Variants in TNNI3K observed in about 807,000 individuals in gnomAD.
TNNI3K encodes TNNI3 interacting kinase, also known as serine/threonine-protein kinase TNNI3K.
A neutral mutation model predicts 114.5 loss-of-function variants in TNNI3K; 140 were observed. The ratio of observed to expected loss-of-function variants is 1.22; its 90% CI spans 1.07 to 1.41. The LOEUF (loss-of-function observed/expected upper bound fraction) is 1.41, where lower values mean the gene tolerates loss of function less well. TNNI3K is among the 40% of genes most tolerant of loss of function. TNNI3K has a pLI of 0.00. For missense variants in TNNI3K, 1,125 were observed against 1,007.6 expected, an observed-to-expected ratio of 1.12 and a Z score of -1.58; for synonymous variants, 347 against 347.5, an observed-to-expected ratio of 1.00 and a Z score of 0.02.
chr1:74,439,926 G>A (rs1166823794), intron 20 of TNNI3K, among the ~76,000 whole-genome samples: 4 of 151,954 alleles, frequency 2.6e-5, no homozygotes, highest in African/African-American at 9.7e-5. Context: ...GAGCAAATAA[G>A]GTGGACAATG....
At chr1:74,389,802 A>G (rs1424669609) in intron 17 of TNNI3K, among the ~76,000 whole-genome samples, 1 of 152,208 alleles carries the variant, frequency 6.6e-6, no homozygotes, top group Non-Finnish European at 1.5e-5. Flanking sequence ...GGAAAACAAA[A>G]GGTTATAGCT....
chr1:74,533,186 C>A (rs1230168155), intron 23 of TNNI3K, among the ~76,000 whole-genome samples: 2 of 152,114 alleles, frequency 1.3e-5, no homozygotes, highest in Admixed American at 1.3e-4. Context: ...GGCTAATATC[C>A]AGAATCTACA....
At chr1:74,341,543 T>A (rs1660744851) in intron 7 of TNNI3K, 1 of 151,782 alleles carries the variant, frequency 6.6e-6, no homozygotes. Flanking sequence ...ATCTGTCAAG[T>A]TTTTTTGTTT....
intron 21 of TNNI3K, chr1:74,471,810 G>C (rs1476392372): frequency 1.6e-5 from 7 of 430,962 alleles, no homozygotes; most frequent in Admixed American, 8.3e-5. Context: ...TGTTAATTTG[G>C]ATTTGCTCTT....
chr1:74,261,496 A>G (rs777337710), intron 4 of TNNI3K, among the ~76,000 whole-genome samples: 3 of 152,118 alleles, frequency 2.0e-5, no homozygotes, highest in Non-Finnish European at 4.4e-5. Context: ...AATGAATTTT[A>G]TTACAAGATT....
At position 74,352,936 on chromosome 1, in the gene TNNI3K, C is replaced by T. The variant is rs551221795; in HGVS notation, c.933-330C>T. Among the ~76,000 whole-genome samples, 7 of 152,270 alleles carry T rather than the reference C, an allele frequency of 4.6e-5. No homozygotes were observed. The South Asian group carries it at 6.2e-4, about 14-fold the overall frequency. ...CTTCCCAGGTGAGGCAATGCCTCGCCCTACTTCGGCTCAGGCATGGTGCGC... is the reference window on the plus strand; with the variant it reads ...CTTCCCAGGTGAGGCAATGCCTCGCTCTACTTCGGCTCAGGCATGGTGCGC... On this transcript the variant is annotated intron_variant, in intron 9 of 24. Coordinates refer to ENST00000326637, the MANE Select transcript of TNNI3K (RefSeq NM_015978.3).
rs142748157 is a variant in TNNI3K at position 74,268,801 on chromosome 1, A to T, written c.334-2797A>T. On this transcript the variant is annotated intron_variant, in intron 4 of 24. Coordinates refer to ENST00000326637, the MANE Select transcript of TNNI3K (RefSeq NM_015978.3). ...ATATGCAGCTCAAATTTAACATGTG[A>T]AAACGAAACATTTTACTTCTGCCTC... is the stretch of plus-strand genomic sequence containing the variant. Among the ~76,000 whole-genome samples the T allele has an allele frequency of 1.4e-4, 22 of 151,880 alleles. No homozygotes were observed. In the East Asian group the frequency reaches 4.1e-3, roughly 28 times the overall value.
chr1:74,490,321 A>T (rs1232722181), intron 22 of TNNI3K, among the ~76,000 whole-genome samples: 1 of 152,238 alleles, frequency 6.6e-6, no homozygotes, highest in African/African-American at 2.4e-5. Flanking sequence ...GGACAAAAGC[A>T]TCTGCCAGAA....
In TNNI3K at chr1:74,344,010, G is replaced by C. The variant is rs571417210; in HGVS notation, c.932+831G>C. 3.9e-5 allele frequency among the ~76,000 whole-genome samples: 6 copies of C among 152,246 alleles called. No individual in the cohort carries two copies. In the South Asian group the frequency reaches 1.0e-3, roughly 26 times the overall value. On this transcript the variant is annotated intron_variant, in intron 9 of 24. Coordinates refer to ENST00000326637, the MANE Select transcript of TNNI3K (RefSeq NM_015978.3). ...CTACACATTACATATGTTTCCATTAGTTTGTAACCTCTAAAATTGTATTTG... is the reference window on the plus strand; with the variant it reads ...CTACACATTACATATGTTTCCATTACTTTGTAACCTCTAAAATTGTATTTG...
chr1:74,240,673 T>A (rs1030800992), intron 2 of TNNI3K: 3 of 152,222 alleles, frequency 2.0e-5, no homozygotes, highest in Admixed American at 6.5e-5. Context: ...TTTAAGACTA[T>A]GTTTTGCTAA....
chr1:74,446,333 G>T (rs1283090643), intron 20 of TNNI3K, among the ~76,000 whole-genome samples: 1 of 148,438 alleles, frequency 6.7e-6, no homozygotes, highest in Non-Finnish European at 1.5e-5. Context: ...CTGCATAAAT[G>T]TCTTCTTTTG....
At chr1:74,239,419 A>C (rs1407399126) in intron 2 of TNNI3K, among the ~76,000 whole-genome samples, 1 of 152,128 alleles carries the variant, frequency 6.6e-6, no homozygotes, top group Non-Finnish European at 1.5e-5. Context: ...GAGTATCTAG[A>C]GCATTATAGG....
At chr1:74,526,852 A>G (rs1348358677) in intron 23 of TNNI3K, among the ~76,000 whole-genome samples, 1 of 152,206 alleles carries the variant, frequency 6.6e-6, no homozygotes, top group African/African-American at 2.4e-5. Flanking sequence ...GCTCATGGGT[A>G]AATCCAACTG....
intron 3 of TNNI3K, 67 bp downstream of exon 3, chr1:74,249,611 C>G (rs1570368822): frequency 6.9e-7 from 1 of 1,458,868 alleles, no homozygotes; most frequent in East Asian, 2.4e-5. Context: ...ACTTGAGCTG[C>G]TTAATAGTCT....
At chr1:74,246,712 G>A (rs1003753342) in intron 2 of TNNI3K, among the ~76,000 whole-genome samples, 1 of 152,136 alleles carries the variant, frequency 6.6e-6, no homozygotes, top group African/African-American at 2.4e-5. Context: ...TGAACTTAAT[G>A]GCAAATACTG....
intron 4 of TNNI3K, among the ~76,000 whole-genome samples, chr1:74,269,594 T>C (rs972909988): frequency 1.3e-5 from 2 of 151,746 alleles, no homozygotes; most frequent in African/African-American, 2.4e-5. Flanking sequence ...TTAAAACCAG[T>C]AGAATTCTGA....
intron 11 of TNNI3K, among the ~76,000 whole-genome samples, chr1:74,354,518 T>C (rs1661558076): frequency 6.6e-6 from 1 of 152,062 alleles, no homozygotes; most frequent in African/African-American, 2.4e-5. Context: ...GAAAGAAATA[T>C]TTGTCAGATC....
rs1220542621 is a variant in TNNI3K at position 74,436,059 on chromosome 1, T to TTC, written c.1773-20_1773-19insCT. 33 of 1,012,294 alleles carry TTC rather than the reference T, an allele frequency of 3.3e-5. No individual in the cohort carries two copies. In the African/African-American group the frequency reaches 3.4e-4, roughly 10 times the overall value. The allele number at this position is 1,012,294 out of a possible 1,614,324, so 62.7% of individuals were successfully genotyped here. Reference sequence around the variant, plus strand: ...GCAAAGCTTACTCAATGTCTACTTTTTTTTTTTTTTTTTTTTACAGTCACA... The same window carrying TTC: ...GCAAAGCTTACTCAATGTCTACTTTTTCTTTTTTTTTTTTTTTTACAGTCACA... On this transcript the variant is annotated intron_variant, in intron 17 of 24. Coordinates refer to ENST00000326637, the MANE Select transcript of TNNI3K (RefSeq NM_015978.3).
chr1:74,360,861 T>C (rs575240616), intron 11 of TNNI3K, among the ~76,000 whole-genome samples: 1 of 152,246 alleles, frequency 6.6e-6, no homozygotes, highest in South Asian at 2.1e-4. Flanking sequence ...CACTCTCTTC[T>C]CTTACCAAAT....
Sources: gnomAD v4.1 joint callset for allele counts (sites outside exome capture counted in the v4.1 genomes callset) on GRCh38, gnomAD v4.1.1 for gene constraint, MANE v1.5 for transcripts, NCBI Gene and HGNC (gene_info 2026-07-23, HGNC 2026-07-21) for gene names.